Variants in ENTREP3 observed in about 807,000 individuals in gnomAD.
ENTREP3 encodes endosomal transmembrane epsin interactor 3.
chr1:155,254,763 G>A, the ENTREP3 span: 1 of 1,613,928 alleles, frequency 6.2e-7, no homozygotes, highest in Non-Finnish European at 8.5e-7. The surrounding 1 kb of genome is among the most constrained non-coding windows in gnomAD (Gnocchi z 4.4). Flanking sequence ...ACTTGGACCA[G>A]CCCCAGCGTA....
At chr1:155,251,304 G>A in the ENTREP3 span, 1,215 of 780,086 alleles carry the variant, frequency 1.6e-3, 9 homozygotes, top group African/African-American at 0.018. Context: ...CAGCTTCCAC[G>A]TCTGTATGGC....
At chr1:155,247,668 G>T in the ENTREP3 span, 7 of 981,648 alleles carry the variant, frequency 7.1e-6, no homozygotes, top group Admixed American at 7.0e-5. Flanking sequence ...CACTTTGGGG[G>T]GTATACAGCA....
At chr1:155,248,475 T>G in the ENTREP3 span, 1 of 1,613,306 alleles carries the variant, frequency 6.2e-7, no homozygotes, top group East Asian at 2.2e-5. Flanking sequence ...TGAAGTCAGC[T>G]GGGGAGAAGA....
the ENTREP3 span, chr1:155,251,461 C>T: frequency 1.4e-6 from 2 of 1,478,736 alleles, no homozygotes; most frequent in Non-Finnish European, 9.4e-7. Context: ...CAGGCTACAA[C>T]CCGGCTCCCC....
the ENTREP3 span, chr1:155,253,586 C>G: frequency 2.1e-6 from 3 of 1,458,784 alleles, no homozygotes; most frequent in Non-Finnish European, 2.9e-6. Flanking sequence ...CCCCTGCCCC[C>G]ACCATACCTG....
the ENTREP3 span, chr1:155,253,708 G>C: frequency 6.2e-7 from 1 of 1,609,284 alleles, no homozygotes. Context: ...CAAATGGTGA[G>C]CCCACAGACG....
At chr1:155,254,888 C>A in the ENTREP3 span, 6 of 1,547,940 alleles carry the variant, frequency 3.9e-6, no homozygotes, top group Non-Finnish European at 5.2e-6. This position sits in a 1 kb window ranked among gnomAD's most constrained non-coding sequence, Gnocchi z 4.4. Context: ...GCCTGCTGCC[C>A]GGTTGCCTGC....
the ENTREP3 span, chr1:155,252,128 C>G: frequency 2.2e-6 from 1 of 451,696 alleles, no homozygotes; most frequent in Non-Finnish European, 3.8e-6. Flanking sequence ...TCTTTATGGC[C>G]CCACCTCCAT....
chr1:155,254,096 T>C, the ENTREP3 span: 2 of 1,613,864 alleles, frequency 1.2e-6, no homozygotes, highest in East Asian at 2.2e-5. The surrounding 1 kb of genome is among the most constrained non-coding windows in gnomAD (Gnocchi z 4.4). Context: ...GAGAGCACTG[T>C]TGGAAGTCTC....
chr1:155,253,407 C>G, the ENTREP3 span: 1 of 559,474 alleles, frequency 1.8e-6, no homozygotes, highest in Non-Finnish European at 3.2e-6. Flanking sequence ...TCTCCTGGTC[C>G]CAGACCAGCA....
At chr1:155,254,653 C>A in the ENTREP3 span, 8 of 1,606,672 alleles carry the variant, frequency 5.0e-6, no homozygotes, top group Non-Finnish European at 6.8e-6. The surrounding 1 kb of genome is among the most constrained non-coding windows in gnomAD (Gnocchi z 4.4). Flanking sequence ...CCCAACTCAC[C>A]GAGAACCCAG....
the ENTREP3 span, chr1:155,250,758 G>A: frequency 6.8e-6 from 11 of 1,612,328 alleles, no homozygotes; most frequent in Admixed American, 1.7e-5. This position sits in a 1 kb window ranked among gnomAD's most constrained non-coding sequence, Gnocchi z 5.4. Context: ...GTCCTCCGAC[G>A]GGCTAGAGCC....
chr1:155,250,757 C>G, the ENTREP3 span: 137 of 1,612,406 alleles, frequency 8.5e-5, no homozygotes, highest in East Asian at 2.9e-3. This position sits in a 1 kb window ranked among gnomAD's most constrained non-coding sequence, Gnocchi z 5.4. Context: ...AGTCCTCCGA[C>G]GGGCTAGAGC....
chr1:155,250,135 A>C, the ENTREP3 span: 1 of 634,190 alleles, frequency 1.6e-6, no homozygotes, highest in African/African-American at 2.0e-5. This position sits in a 1 kb window ranked among gnomAD's most constrained non-coding sequence, Gnocchi z 5.4. Flanking sequence ...GTACCTGAGA[A>C]GTGTCTACCA....
the ENTREP3 span, chr1:155,254,718 C>T: frequency 6.8e-6 from 11 of 1,612,466 alleles, no homozygotes; most frequent in Non-Finnish European, 9.3e-6. This position sits in a 1 kb window ranked among gnomAD's most constrained non-coding sequence, Gnocchi z 4.4. Context: ...GAAGAGGCCA[C>T]CATGCTGAAG....
chr1:155,249,514 C>T, the ENTREP3 span, among the ~76,000 whole-genome samples: 3 of 151,384 alleles, frequency 2.0e-5, no homozygotes, highest in East Asian at 2.0e-4. Flanking sequence ...GAGGCCGAGG[C>T]GGGTGGATCA....
the ENTREP3 span, among the ~76,000 whole-genome samples, chr1:155,249,289 C>T: frequency 6.6e-6 from 1 of 151,610 alleles, no homozygotes; most frequent in South Asian, 2.1e-4. Flanking sequence ...TAGGGTTTCA[C>T]CATGTTAGCC....
chr1:155,253,782 C>G, the ENTREP3 span: 1 of 1,609,396 alleles, frequency 6.2e-7, no homozygotes, highest in Non-Finnish European at 8.5e-7. Context: ...AAGTTCCACA[C>G]ATTATGGGCC....
the ENTREP3 span, chr1:155,247,871 G>A: frequency 5.8e-6 from 9 of 1,538,640 alleles, no homozygotes; most frequent in African/African-American, 5.5e-5. Flanking sequence ...AGGAGACGCC[G>A]CAGGGAAGAG....
Sources: gnomAD v4.1 joint callset for allele counts (sites outside exome capture counted in the v4.1 genomes callset) on GRCh38, gnomAD v4.1.1 for gene constraint, Gnocchi (gnomAD v3.1) non-coding constraint, MANE v1.5 for transcripts, NCBI Gene and HGNC (gene_info 2026-07-23, HGNC 2026-07-21) for gene names.